Variants in MAP2K2 observed in about 807,000 individuals in gnomAD.
MAP2K2 encodes the protein dual specificity mitogen-activated protein kinase kinase 2.
In MAP2K2, 24 loss-of-function variants were observed where a neutral mutation model predicts 43.7. That is an observed-to-expected ratio of 0.55 (90% CI 0.40 to 0.77). The LOEUF is 0.77. MAP2K2 is among the 30% of genes least tolerant of loss of function. The pLI, the probability that MAP2K2 is intolerant of heterozygous loss-of-function variation, is 0.00. For missense variants in MAP2K2, 470 were observed against 566.8 expected (o/e 0.83, Z 1.73); for synonymous variants, 244 against 239.7 (o/e 1.02, Z -0.17).
intron 2 of MAP2K2, among the ~76,000 whole-genome samples, chr19:4,111,694 C>G (rs951459025): frequency 1.3e-5 from 2 of 152,232 alleles, no homozygotes; most frequent in Non-Finnish European, 1.5e-5. Flanking sequence ...GTGGCTCACG[C>G]CTGTAATCCC....
intron 2 of MAP2K2, among the ~76,000 whole-genome samples, chr19:4,116,907 CA>C (rs2041228385): frequency 6.6e-6 from 1 of 152,116 alleles, no homozygotes; most frequent in African/African-American, 2.4e-5. Flanking sequence ...CCAGCCTGGG[CA>C]ACAGAGCAAG....
At chr19:4,105,393 T>C (rs942465493) in intron 3 of MAP2K2, among the ~76,000 whole-genome samples, 8 of 151,878 alleles carry the variant, frequency 5.3e-5, no homozygotes, top group African/African-American at 1.2e-4. Flanking sequence ...CTCAGCCTCC[T>C]GAGTAGCTGG....
intron 3 of MAP2K2, 58 bp from the exon 4 acceptor site, chr19:4,102,511 A>T (rs2145058159): frequency 1.5e-6 from 2 of 1,316,666 alleles, no homozygotes; most frequent in Non-Finnish European, 2.1e-6. Flanking sequence ...GAAGCCACGG[A>T]TGCGTCCCCC....
intron 2 of MAP2K2, among the ~76,000 whole-genome samples, chr19:4,113,857 G>A (rs986444372): frequency 1.3e-5 from 2 of 152,124 alleles, no homozygotes; most frequent in South Asian, 2.1e-4. Flanking sequence ...GCCGCCCCCC[G>A]GCCGCCACCC....
At position 4,112,078 on chromosome 19, in the gene MAP2K2, G is replaced by A. The variant is rs2041161837; in HGVS notation, c.304-1423C>T. 2.0e-5 allele frequency among the ~76,000 whole-genome samples: 3 copies of A among 152,356 alleles called. No individual in the cohort carries two copies. The South Asian group carries it at 6.2e-4, about 32-fold the overall frequency. Reference sequence around the variant, plus strand: ...CCCAGCATGGCAAGGAGCAGCCTGAGGCTTTGGGACGGCACCCTGGAGAAT... The same window carrying A: ...CCCAGCATGGCAAGGAGCAGCCTGAAGCTTTGGGACGGCACCCTGGAGAAT... On this transcript the variant is annotated intron_variant, in intron 2 of 10. Transcript: ENST00000262948.
intron 10 of MAP2K2, 65 bp from the exon 11 acceptor site, chr19:4,090,773 G>T: frequency 9.2e-7 from 1 of 1,090,332 alleles, no homozygotes; most frequent in Non-Finnish European, 1.4e-6. Flanking sequence ...GAGGGCCAGC[G>T]TCTGCCCAGC....
chr19:4,121,059 G>C (rs1349030739), intron 1 of MAP2K2, among the ~76,000 whole-genome samples: 4 of 151,276 alleles, frequency 2.6e-5, no homozygotes, highest in Non-Finnish European at 5.9e-5. Flanking sequence ...GGGCCCCGGG[G>C]ATCGCCCTGC....
chr19:4,098,751 C>T (rs2040957009), intron 7 of MAP2K2, among the ~76,000 whole-genome samples: 1 of 152,266 alleles, frequency 6.6e-6, no homozygotes, highest in African/African-American at 2.4e-5. Context: ...CCGGAGCCAA[C>T]AGGCCACTGA....
At chr19:4,102,186 A>G (rs1215508821) in intron 4 of MAP2K2, among the ~76,000 whole-genome samples, 190 bp downstream of exon 4, 2 of 152,104 alleles carry the variant, frequency 1.3e-5, no homozygotes, top group Non-Finnish European at 1.5e-5. Context: ...GCAGATGGTG[A>G]CCTCAGGCCC....
At chr19:4,108,857 G>A (rs2041121463) in intron 3 of MAP2K2, among the ~76,000 whole-genome samples, 1 of 152,166 alleles carries the variant, frequency 6.6e-6, no homozygotes, top group Non-Finnish European at 1.5e-5. Flanking sequence ...CGAGGAGGAG[G>A]AATAGGGAGC....
chr19:4,102,897 C>G, intron 3 of MAP2K2: 1 of 1,151,496 alleles, frequency 8.7e-7, no homozygotes, highest in Non-Finnish European at 1.1e-6. Flanking sequence ...TCCCAGCACA[C>G]GAAGGGAAGG....
chr19:4,123,678 C>A, intron 1 of MAP2K2, 106 bp downstream of exon 1: 1 of 788,088 alleles, frequency 1.3e-6, no homozygotes, highest in South Asian at 1.7e-5. Flanking sequence ...CCGTGACCCC[C>A]CTGCCTCGTG....
chr19:4,111,331 C>G (rs2041151421), intron 2 of MAP2K2, among the ~76,000 whole-genome samples: 1 of 152,168 alleles, frequency 6.6e-6, no homozygotes. Context: ...ATTAAGCAAA[C>G]ACTTAATTCC....
intron 2 of MAP2K2, among the ~76,000 whole-genome samples, chr19:4,112,651 G>A (rs1343253188): frequency 1.3e-5 from 2 of 151,826 alleles, no homozygotes; most frequent in East Asian, 1.9e-4. Context: ...CAGCCCTGGC[G>A]CTGCCTGCCC....
intron 2 of MAP2K2, among the ~76,000 whole-genome samples, chr19:4,116,461 T>C (rs189086334): frequency 9.9e-4 from 148 of 149,128 alleles, no homozygotes; most frequent in African/African-American, 3.4e-3. Context: ...ACCCAGGAGG[T>C]AGAGGTTGCA....
chr19:4,106,312 C>T (rs140808533), intron 3 of MAP2K2, among the ~76,000 whole-genome samples: 85 of 152,176 alleles, frequency 5.6e-4, no homozygotes, highest in South Asian at 1.0e-3. Flanking sequence ...GGGAGGCTGA[C>T]GTGGGAGGAC....
At chr19:4,103,525 G>C (rs2041045578) in intron 3 of MAP2K2, 1 of 153,602 alleles carries the variant, frequency 6.5e-6, no homozygotes, top group African/African-American at 2.4e-5. Context: ...AGGCTAGAGA[G>C]GGCGGGCTGG....
chr19:4,103,040 T>C, intron 3 of MAP2K2: 1 of 1,041,430 alleles, frequency 9.6e-7, no homozygotes. Flanking sequence ...GCGTCTGCCC[T>C]GCGCCTGTCC....
In MAP2K2 at chr19:4,095,452, G is replaced by A. The variant is rs1466155828; in HGVS notation, c.985-3C>T. 2 of 1,551,172 alleles carry A rather than the reference G, an allele frequency of 1.3e-6. No homozygotes were observed. The highest frequency in any genetic ancestry group is 4.9e-5 in the East Asian group (2 of 40,916). On this transcript the variant is annotated splice_polypyrimidine_tract_variant and splice_region_variant and intron_variant, in intron 8 of 10. Transcript: ENST00000262948. ...CCGTTGGGCAGCTTAGGAGGTGGCT[G>A]TGGAGGAGAACAGAGGGTGGGGTCA...
Sources: gnomAD v4.1 joint callset for allele counts (sites outside exome capture counted in the v4.1 genomes callset) on GRCh38, gnomAD v4.1.1 for gene constraint, MANE v1.5 for transcripts, NCBI Gene and HGNC (gene_info 2026-07-23, HGNC 2026-07-21) for gene names.